Variants in ATP9B observed in about 807,000 individuals in gnomAD.
ATP9B encodes probable phospholipid-transporting ATPase IIB.
ATP9B carries 110 observed loss-of-function variants against 146.1 expected under a neutral mutation model. The ratio of observed to expected loss-of-function variants is 0.75; its 90% CI spans 0.65 to 0.88. The LOEUF (loss-of-function observed/expected upper bound fraction) is 0.88, where lower values mean the gene tolerates loss of function less well. Ranked by LOEUF, ATP9B falls within the 40% of genes least tolerant of loss-of-function variation. The probability of loss-of-function intolerance (pLI) is 0.00; values close to 1 mark genes in which losing one functional copy is unlikely to be tolerated. For synonymous variants in ATP9B, 604 were observed against 569.7 expected (o/e 1.06, Z -0.86); for missense variants, 1,499 against 1,496.4 (o/e 1.00, Z -0.03).
rs190954027 is a variant in ATP9B at position 79,350,932 on chromosome 18, C to T, written c.2903+2736C>T. Among the ~76,000 whole-genome samples the T allele has an allele frequency of 1.2e-3, 177 of 152,176 alleles. 1 individual carries two copies. The highest frequency in any genetic ancestry group is 6.8e-3 in the Middle Eastern group (2 of 294). On this transcript the variant is annotated intron_variant, in intron 25 of 29. Transcript: ENST00000426216. ...TGCAGGCATGTGCTACCACGCCCAG[C>T]TAATTTTTGTATATTTTTAGTAGAG... is the stretch of plus-strand genomic sequence containing the variant.
chr18:79,193,395 A>C, intron 9 of ATP9B, 132 bp downstream of exon 9: 1 of 735,776 alleles, frequency 1.4e-6, no homozygotes, highest in Non-Finnish European at 2.2e-6. Flanking sequence ...AACCTATATA[A>C]TGTTTGAAGT....
chr18:79,314,748 T>G (rs2096670257), intron 15 of ATP9B, among the ~76,000 whole-genome samples: 1 of 152,224 alleles, frequency 6.6e-6, no homozygotes, highest in Non-Finnish European at 1.5e-5. Context: ...TGAGCAAACG[T>G]TAAATGCTCT....
At chr18:79,159,012 A>G (rs1304221720) in intron 7 of ATP9B, among the ~76,000 whole-genome samples, 1 of 152,158 alleles carries the variant, frequency 6.6e-6, no homozygotes, top group African/African-American at 2.4e-5. Context: ...TAGATGTAAT[A>G]TATTTATGTT....
intron 11 of ATP9B, among the ~76,000 whole-genome samples, chr18:79,245,685 C>T (rs923065727): frequency 1.4e-5 from 2 of 147,838 alleles, no homozygotes; most frequent in Non-Finnish European, 1.5e-5. Context: ...GCGGAGGGCA[C>T]CGCCCTACTG....
chr18:79,117,906 CAA>C (rs1180140859), intron 4 of ATP9B: 2 of 152,150 alleles, frequency 1.3e-5, no homozygotes, highest in African/African-American at 4.8e-5. Flanking sequence ...ATCATTAAAA[CAA>C]TATGCAATAT....
At chr18:79,334,490 C>T in intron 17 of ATP9B, among the ~76,000 whole-genome samples, 1 of 152,144 alleles carries the variant, frequency 6.6e-6, no homozygotes, top group East Asian at 1.9e-4. Context: ...GCACACCTCA[C>T]CCAGCACTTA....
In ATP9B at chr18:79,173,046, C is replaced by T. The variant is rs12605312; in HGVS notation, c.779-3767C>T. Among the ~76,000 whole-genome samples, 495 of 152,240 alleles carry T rather than the reference C, an allele frequency of 3.3e-3. 15 individuals carry two copies. In the East Asian group the frequency reaches 0.078, roughly 24 times the overall value. On this transcript the variant is annotated intron_variant, in intron 7 of 29. Coordinates refer to ENST00000426216, the MANE Select transcript of ATP9B (RefSeq NM_198531.5). ...ACATTTGGCCGATGTTTGATGGAAGCGGTGCTTCCTCGTGGTTTGCGTGTG... is the reference window on the plus strand; with the variant it reads ...ACATTTGGCCGATGTTTGATGGAAGTGGTGCTTCCTCGTGGTTTGCGTGTG...
chr18:79,279,720 G>T (rs117256105), intron 13 of ATP9B, among the ~76,000 whole-genome samples: 364 of 152,286 alleles, frequency 2.4e-3, no homozygotes, highest in Non-Finnish European at 4.2e-3. Flanking sequence ...TTTAAAATTT[G>T]AAAGCCCTTA....
At chr18:79,327,463 G>A (rs1186001611) in intron 15 of ATP9B, among the ~76,000 whole-genome samples, 2 of 151,628 alleles carry the variant, frequency 1.3e-5, no homozygotes, top group Admixed American at 6.6e-5. Flanking sequence ...CCCATGGTTA[G>A]CGTGTTCTCC....
chr18:79,313,223 C>T (rs749662435), intron 15 of ATP9B, among the ~76,000 whole-genome samples: 2 of 152,138 alleles, frequency 1.3e-5, no homozygotes, highest in African/African-American at 4.8e-5. Context: ...AGAATCTGAG[C>T]GAAGAGGCGT....
chr18:79,176,899 G>A lies in ATP9B; in HGVS notation c.865G>A (p.Ala289Thr). Residue 289 changes from alanine to threonine, a missense_variant, in exon 8 of 30, where the codon GCT becomes ACT. Transcript: ENST00000426216. Reference protein sequence around the residue: ...VAVSCTQQLPALGDLFSISAY... With the variant: ...VAVSCTQQLPTLGDLFSISAY... ...AGTGAGCTGCACGCAACAGCTGCCG[G>A]CTCTGGGGGTGAGCAGCACCAAGAC... 1 of 1,613,874 alleles carries A rather than the reference G, an allele frequency of 6.2e-7. No individual in the cohort carries two copies. The highest frequency in any genetic ancestry group is 8.5e-7 in the Non-Finnish European group (1 of 1,179,846).
At chr18:79,100,236 A>G (rs1481609224) in intron 2 of ATP9B, among the ~76,000 whole-genome samples, 1 of 152,164 alleles carries the variant, frequency 6.6e-6, no homozygotes, top group Non-Finnish European at 1.5e-5. Context: ...AATAATTTGT[A>G]TTTTTCAGTT....
chr18:79,344,174 C>G (rs1471829162), intron 20 of ATP9B, 91 bp from the exon 21 acceptor site: 7 of 1,181,572 alleles, frequency 5.9e-6, no homozygotes, highest in Non-Finnish European at 3.7e-6. Flanking sequence ...CCAGAACATT[C>G]CACTGTGACT....
At chr18:79,252,896 T>C (rs947088898) in intron 11 of ATP9B, among the ~76,000 whole-genome samples, 1 of 152,020 alleles carries the variant, frequency 6.6e-6, no homozygotes, top group Admixed American at 6.5e-5. Flanking sequence ...ACTCTCCATC[T>C]TGAGTAGAAT....
chr18:79,122,685 C>A (rs1213745337), intron 4 of ATP9B, among the ~76,000 whole-genome samples: 1 of 152,134 alleles, frequency 6.6e-6, no homozygotes, highest in Non-Finnish European at 1.5e-5. Flanking sequence ...CACCAACTTT[C>A]TTAGAACTTT....
chr18:79,128,884 A>G (rs987997088), intron 5 of ATP9B, among the ~76,000 whole-genome samples: 4 of 152,198 alleles, frequency 2.6e-5, no homozygotes, highest in Non-Finnish European at 5.9e-5. Flanking sequence ...GCATCCAGAG[A>G]AAGTCAACCT....
intron 7 of ATP9B, among the ~76,000 whole-genome samples, chr18:79,160,752 T>G (rs976500716): frequency 2.7e-5 from 4 of 149,048 alleles, no homozygotes; most frequent in African/African-American, 9.8e-5. Context: ...ATGGGTTTGT[T>G]TGTGTTTGTT....
At position 79,377,563 on chromosome 18, in the gene ATP9B, G is replaced by GACGTCACCCCTGCCAGGC; in HGVS notation, c.*182_*199dup. ...GACAGCCTCTCCTTCTCAGTGCAGG[G>GACGTCACCCCTGCCAGGC]ACGTCACCCCTGCCAGGCAAGCCCA... is the stretch of plus-strand genomic sequence containing the variant. On this transcript the variant is annotated 3_prime_UTR_variant, in exon 30 of 30. Coordinates refer to ENST00000426216, the MANE Select transcript of ATP9B (RefSeq NM_198531.5). The GACGTCACCCCTGCCAGGC allele has an allele frequency of 1.2e-6, 1 of 805,462 alleles. No homozygotes were observed. Among genetic ancestry groups the GACGTCACCCCTGCCAGGC allele is most frequent in the Non-Finnish European group, 1.9e-6 (1 of 524,592 alleles). The allele number at this position is 805,462 out of a possible 1,614,324, so 49.9% of individuals were successfully genotyped here. A position where few individuals can be genotyped will look rare whatever the true frequency, so the allele number is the denominator to read the frequency against.
At chr18:79,286,414 C>T (rs1437146698) in intron 13 of ATP9B, among the ~76,000 whole-genome samples, 1 of 150,412 alleles carries the variant, frequency 6.6e-6, no homozygotes, top group African/African-American at 2.4e-5. Context: ...ATTTGGCTCT[C>T]TGTTTGTCTG....
Sources: allele counts gnomAD v4.1 joint callset (sites outside exome capture counted in the v4.1 genomes callset), GRCh38; gene constraint gnomAD v4.1.1; transcripts MANE v1.5; gene names NCBI Gene and HGNC (gene_info 2026-07-23, HGNC 2026-07-21).